Variants in SSH2 observed in about 807,000 individuals in gnomAD.
SSH2 encodes slingshot protein phosphatase 2.
A neutral mutation model predicts 135.2 loss-of-function variants in SSH2; 37 were observed. The ratio of observed to expected loss-of-function variants is 0.27; its 90% CI spans 0.21 to 0.36. SSH2 has a LOEUF of 0.36. Among genes scored for constraint, SSH2 ranks in the 10% least tolerant of loss-of-function variants. SSH2 has a pLI of 1.00. For missense variants in SSH2, 1,408 were observed against 1,765.3 expected, an observed-to-expected ratio of 0.80 and a Z score of 3.63; for synonymous variants, 628 against 646.2, an observed-to-expected ratio of 0.97 and a Z score of 0.43.
intron 1 of SSH2, among the ~76,000 whole-genome samples, chr17:29,902,735 C>T (rs1041579295): frequency 2.6e-5 from 4 of 151,888 alleles, no homozygotes; most frequent in African/African-American, 9.7e-5. Flanking sequence ...TGAAAGAACA[C>T]CCTTGCCTTC....
At chr17:29,761,843 A>ATGTGTGTGTGTGTGTGTGTG (rs752691137) in intron 3 of SSH2, among the ~76,000 whole-genome samples, 15 of 142,526 alleles carry the variant, frequency 1.1e-4, no homozygotes, top group African/African-American at 4.0e-4. Context: ...TCACATACAT[A>ATGTGTGTGTGTGTGTGTGTG]TGTGTGTGTG....
chr17:29,665,965 T>C (rs2037253472), intron 11 of SSH2, among the ~76,000 whole-genome samples: 1 of 152,242 alleles, frequency 6.6e-6, no homozygotes, highest in Non-Finnish European at 1.5e-5. Context: ...CTCTCAGTTA[T>C]ATAGTAGCTC....
At chr17:29,742,878 G>A (rs1306862699) in intron 3 of SSH2, among the ~76,000 whole-genome samples, 7 of 151,894 alleles carry the variant, frequency 4.6e-5, no homozygotes, top group East Asian at 1.9e-4. Context: ...CAAGTGATCC[G>A]CCGACCTCAG....
rs1399865784 is a variant in SSH2, at chr17:29,711,585, G to C, written c.189-8523C>G. Among the ~76,000 whole-genome samples, 3 of 152,186 alleles carry C rather than the reference G, an allele frequency of 2.0e-5. No individual in the cohort carries two copies. The East Asian group carries it at 5.8e-4, about 29-fold the overall frequency. On this transcript the variant is annotated intron_variant, in intron 3 of 15. Transcript: ENST00000540801. ...GCTTTGACATTTGTTGGTTTTGGCTGTTCAGCAATAGATTTATCTTTTTCA... is the reference window on the plus strand; with the variant it reads ...GCTTTGACATTTGTTGGTTTTGGCTCTTCAGCAATAGATTTATCTTTTTCA...
At chr17:29,908,975 G>A (rs1221469711) in intron 1 of SSH2, among the ~76,000 whole-genome samples, 1 of 151,772 alleles carries the variant, frequency 6.6e-6, no homozygotes, top group East Asian at 1.9e-4. Context: ...TACTTGGGAG[G>A]CTGAGGCAGG....
chr17:29,834,303 A>G lies in SSH2; in HGVS notation c.144+14546T>C, dbSNP rs2151369772. 2.0e-5 allele frequency among the ~76,000 whole-genome samples: 3 copies of G among 152,310 alleles called. No homozygotes were observed. In the East Asian group the frequency reaches 5.8e-4, roughly 29 times the overall value. ...AGGCAAAGATAAAAATAAGTCTGATATCACATTGAATTGGCAGGTAACAAA... is the reference window on the plus strand; with the variant it reads ...AGGCAAAGATAAAAATAAGTCTGATGTCACATTGAATTGGCAGGTAACAAA... On this transcript the variant is annotated intron_variant, in intron 2 of 15. Transcript: ENST00000540801.
At chr17:29,732,920 T>C (rs532572942) in intron 3 of SSH2, among the ~76,000 whole-genome samples, 1 of 152,294 alleles carries the variant, frequency 6.6e-6, no homozygotes, top group African/African-American at 2.4e-5. Flanking sequence ...CAAATATCTT[T>C]CAGGTAACTC....
At chr17:29,798,125 G>A (rs1412942485) in intron 2 of SSH2, among the ~76,000 whole-genome samples, 1 of 151,962 alleles carries the variant, frequency 6.6e-6, no homozygotes, top group Non-Finnish European at 1.5e-5. Context: ...ATTGTTTTCA[G>A]GTTCTTAAAA....
Position 29,929,966 on chromosome 17 carries a change from G to T in SSH2, c.35C>A (p.Pro12His), listed in dbSNP as rs369609551. 13 of 1,603,992 alleles carry T rather than the reference G, an allele frequency of 8.1e-6. No individual in the cohort carries two copies. The highest frequency in any genetic ancestry group is 1.3e-5 in the African/African-American group (1 of 74,734). ...ALVTVQRSPT[P>H]STTSSPCASS... ...GGCGCAGGGGCTGGAGGTGGTGCTG[G>T]GGGTAGGTGACCGCTGGACCGTGAC... The change falls in exon 1 of 16, where the codon CCC becomes CAC. Residue 12 changes from proline (P) to histidine (H), a missense_variant. Coordinates refer to ENST00000540801, the MANE Select transcript of SSH2 (RefSeq NM_001282129.2).
chr17:29,825,859 T>C (rs1331260792), intron 2 of SSH2, among the ~76,000 whole-genome samples: 2 of 152,194 alleles, frequency 1.3e-5, no homozygotes, highest in African/African-American at 4.8e-5. Context: ...AGGCAAACTA[T>C]AATTTGGTCA....
intron 11 of SSH2, among the ~76,000 whole-genome samples, chr17:29,664,302 G>T (rs867099997): frequency 1.3e-5 from 2 of 151,976 alleles, no homozygotes; most frequent in South Asian, 2.1e-4. Flanking sequence ...GAACCTGGGA[G>T]GTGGAGGTTG....
intron 13 of SSH2, among the ~76,000 whole-genome samples, chr17:29,649,320 G>A (rs542279133): frequency 7.8e-4 from 119 of 152,150 alleles, no homozygotes; most frequent in African/African-American, 2.8e-3. Flanking sequence ...TTTTCACTGG[G>A]ACTGGGGCCT....
intron 3 of SSH2, among the ~76,000 whole-genome samples, chr17:29,715,094 T>C (rs1456910178): frequency 6.6e-6 from 1 of 152,124 alleles, no homozygotes; most frequent in African/African-American, 2.4e-5. Flanking sequence ...CTTGAACTCC[T>C]GACCTCAGGT....
In SSH2 at chr17:29,718,732, C is replaced by CAAAAA. The variant is rs752148237; in HGVS notation, c.189-15675_189-15671dup. Among the ~76,000 whole-genome samples, 8 of 77,330 alleles carry CAAAAA rather than the reference C, an allele frequency of 1.0e-4. 3 individuals carry two copies. Among genetic ancestry groups the CAAAAA allele is most frequent in the Admixed American group, 4.1e-4 (3 of 7,332 alleles). The allele number at this position is 77,330 out of a possible 152,430, so 50.7% of individuals were successfully genotyped here. The stretch of plus-strand genomic sequence containing the variant: ...TGGGCGACAAAGCAAGATTTCACCT[C>CAAAAA]AAAAAAAAAAAAAAAAAAAAAAAAA... On this transcript the variant is annotated intron_variant, in intron 3 of 15. Transcript: ENST00000540801.
intron 1 of SSH2, among the ~76,000 whole-genome samples, chr17:29,913,528 T>C (rs1400674327): frequency 6.7e-6 from 1 of 149,790 alleles, no homozygotes; most frequent in African/African-American, 2.4e-5. Context: ...ATTAAAGTAG[T>C]CAATTTTCCA....
chr17:29,921,044 A>C (rs1341905953), intron 1 of SSH2, among the ~76,000 whole-genome samples: 1 of 152,182 alleles, frequency 6.6e-6, no homozygotes, highest in Non-Finnish European at 1.5e-5. Context: ...ATATATAATA[A>C]AACATATAAT....
At chr17:29,667,794 T>C (rs1429304364) in intron 9 of SSH2, among the ~76,000 whole-genome samples, 1 of 152,188 alleles carries the variant, frequency 6.6e-6, no homozygotes, top group Non-Finnish European at 1.5e-5. Context: ...AAAAGCTAAA[T>C]GACATGCTGA....
chr17:29,736,761 T>G (rs1290896281), intron 3 of SSH2, among the ~76,000 whole-genome samples: 2 of 107,686 alleles, frequency 1.9e-5, no homozygotes, highest in Non-Finnish European at 1.7e-5. Flanking sequence ...TACTCCAGCC[T>G]GGGTGACAGA....
In SSH2 at chr17:29,875,251, TC is replaced by T. The variant is rs527932426; in HGVS notation, c.64-26323del. Among the ~76,000 whole-genome samples the T allele has an allele frequency of 9.8e-4, 150 of 152,314 alleles. 2 individuals carry two copies. In the Middle Eastern group the frequency reaches 0.01, roughly 10 times the overall value. On this transcript the variant is annotated intron_variant, in intron 1 of 15. Transcript: ENST00000540801. The stretch of plus-strand genomic sequence containing the variant: ...CCATAAGCCTGCCCAGGACTAGTAT[TC>T]CTTATCTCAGAAAACAATGCAAACA...
Sources: gnomAD v4.1 joint callset for allele counts (sites outside exome capture counted in the v4.1 genomes callset) on GRCh38, gnomAD v4.1.1 for gene constraint, MANE v1.5 for transcripts, NCBI Gene and HGNC (gene_info 2026-07-23, HGNC 2026-07-21) for gene names.